Variants in KIF17 observed in about 807,000 individuals in gnomAD.
The protein encoded by KIF17 is kinesin family member 17.
Under a neutral mutation model 96.8 loss-of-function variants are expected in KIF17, and 80 were observed. The observed-to-expected ratio is 0.83, with a 90% CI of 0.69 to 1.00. The LOEUF is 1.00. KIF17 is among the 50% of genes least tolerant of loss of function. The probability of loss-of-function intolerance (pLI) is 0.00; values close to 1 mark genes in which losing one functional copy is unlikely to be tolerated. For missense variants in KIF17, 1,280 were observed against 1,372.9 expected (o/e 0.93, Z 1.07); for synonymous variants, 567 against 587.5 (o/e 0.97, Z 0.51).
At chr1:20,716,495 C>T (rs900845286) in intron 1 of KIF17, among the ~76,000 whole-genome samples, 5 of 152,166 alleles carry the variant, frequency 3.3e-5, no homozygotes, top group African/African-American at 7.2e-5. Context: ...TACAAAGAAG[C>T]GAAAACAGGA....
chr1:20,671,417 A>C (rs2053645284), intron 12 of KIF17, among the ~76,000 whole-genome samples: 1 of 152,020 alleles, frequency 6.6e-6, no homozygotes, highest in South Asian at 2.1e-4. Flanking sequence ...TGCAGCCTTG[A>C]CTTCCCAGGC....
chr1:20,696,209 C>A (rs968452863), intron 6 of KIF17, among the ~76,000 whole-genome samples: 13 of 152,072 alleles, frequency 8.5e-5, no homozygotes, highest in Non-Finnish European at 1.5e-5. Context: ...TGGCCCGTGT[C>A]CTCTTCCCTA....
chr1:20,689,509 G>A (rs2054001561), intron 7 of KIF17, among the ~76,000 whole-genome samples: 1 of 151,986 alleles, frequency 6.6e-6, no homozygotes, highest in Admixed American at 6.6e-5. Flanking sequence ...AAATTAGCCG[G>A]GTGTGGTAGT....
At chr1:20,674,948 G>A (rs546808367) in intron 11 of KIF17, among the ~76,000 whole-genome samples, 14 of 151,972 alleles carry the variant, frequency 9.2e-5, no homozygotes, top group African/African-American at 2.7e-4. Context: ...TCAGGAGTTC[G>A]AGACCAGCCT....
At chr1:20,678,480 G>C (rs984054175) in intron 11 of KIF17, among the ~76,000 whole-genome samples, 1 of 152,120 alleles carries the variant, frequency 6.6e-6, no homozygotes, top group African/African-American at 2.4e-5. Flanking sequence ...ATCTAAGCCT[G>C]AATCTCTCCA....
In KIF17 at chr1:20,687,319, T is replaced by G; in HGVS notation, c.1938+69A>C. ...ATGTGTGTGAACAGTGTGTGCACAG[T>G]GAGCTCCGGGCCCTGGGCAAGCTCT... On this transcript the variant is annotated intron_variant, in intron 8 of 14. Coordinates refer to ENST00000400463, the MANE Select transcript of KIF17 (RefSeq NM_001122819.3). This position sits in a 1 kb window ranked among gnomAD's most constrained non-coding sequence, Gnocchi z 4.4. 26 of 1,535,592 alleles carry G rather than the reference T, an allele frequency of 1.7e-5. No homozygotes were observed. The highest frequency in any genetic ancestry group is 2.2e-5 in the Non-Finnish European group (25 of 1,111,230).
At chr1:20,683,402 C>T (rs2053868218) in intron 10 of KIF17, among the ~76,000 whole-genome samples, 1 of 152,178 alleles carries the variant, frequency 6.6e-6, no homozygotes, top group African/African-American at 2.4e-5. Context: ...CGCCTGTAAT[C>T]CCAGCACTTT....
rs759040937 is a variant in KIF17 at position 20,717,728 on chromosome 1, G to C, written c.-22C>G. The C allele has an allele frequency of 2.1e-5, 33 of 1,544,554 alleles. No homozygotes were observed. The highest frequency in any genetic ancestry group is 2.6e-5 in the Non-Finnish European group (30 of 1,151,800). On this transcript the variant is annotated 5_prime_UTR_variant, in exon 1 of 15. Coordinates refer to ENST00000400463, the MANE Select transcript of KIF17 (RefSeq NM_001122819.3). ...CCATGGCGCCGCGCCCAGGACCAAC[G>C]GGACCAGAGCTGACCCCCGCCCCGC...
rs1019450527 is a variant in KIF17, at chr1:20,704,636, G to T, written c.934C>A (p.Leu312Met). The T allele has an allele frequency of 6.2e-7, 1 of 1,614,086 alleles. No homozygotes were observed. The highest frequency in any genetic ancestry group is 1.3e-5 in the African/African-American group (1 of 74,948). ...TCGTAGTTGTTGTCCGCAGGCGACAGGCAGGCCACCATGAGCGTCTTGGTG... is the reference window on the plus strand; with the variant it reads ...TCGTAGTTGTTGTCCGCAGGCGACATGCAGGCCACCATGAGCGTCTTGGTG... The part of the protein sequence containing the change: ...GNTKTLMVAC[L>M]SPADNNYDET... The change falls in exon 5 of 15, where the codon CTG (leucine) becomes ATG (methionine). Residue 312 changes from leucine to methionine, a missense_variant. Physicochemically the swap from Leu to Met is conservative, Grantham distance 15. Transcript: ENST00000400463. This position sits in a 1 kb window ranked among gnomAD's most constrained non-coding sequence, Gnocchi z 6.8.
Position 20,698,426 on chromosome 1 carries a change from G to T in KIF17, c.1186C>A (p.Pro396Thr). 1 of 1,613,900 alleles carries T rather than the reference G, an allele frequency of 6.2e-7. No homozygotes were observed. The highest frequency in any genetic ancestry group is 1.1e-5 in the South Asian group (1 of 91,082). ...GCCTCCACGTCATGCTGGATCACAG[G>T]TTGGGGCAACAGCTTCTCCTCCACC... is the stretch of plus-strand genomic sequence containing the variant. ...VQVEEKLLPQ[P>T]VIQHDVEAEK... Residue 396 changes from proline to threonine, a missense_variant, in exon 6 of 15, where the codon CCT becomes ACT. Transcript: ENST00000400463.
chr1:20,678,340 A>T (rs1256351863), intron 11 of KIF17, among the ~76,000 whole-genome samples: 1 of 152,164 alleles, frequency 6.6e-6, no homozygotes, highest in African/African-American at 2.4e-5. Context: ...TCAAGATAAG[A>T]TTTGGGTGGG....
intron 1 of KIF17, 196 bp downstream of exon 1, chr1:20,717,280 C>T (rs915276458): frequency 8.1e-6 from 5 of 614,392 alleles, no homozygotes; most frequent in Non-Finnish European, 1.4e-5. Context: ...GGGGATAGTG[C>T]AGACCCGGAG....
chr1:20,716,829 G>A (rs1484442177), intron 1 of KIF17, among the ~76,000 whole-genome samples: 1 of 152,200 alleles, frequency 6.6e-6, no homozygotes, highest in Non-Finnish European at 1.5e-5. Flanking sequence ...GGTGAACGAG[G>A]CAGACACAGT....
Position 20,709,521 on chromosome 1 carries a change from G to T in KIF17, c.670+118C>A. 1.8e-6 allele frequency: 2 copies of T among 1,131,668 alleles called. No homozygotes were observed. Among genetic ancestry groups the T allele is most frequent in the Non-Finnish European group, 2.7e-6 (2 of 753,982 alleles). The allele number at this position is 1,131,668 out of a possible 1,614,324, so 70.1% of individuals were successfully genotyped here. A position where few individuals can be genotyped will look rare whatever the true frequency, so the allele number is the denominator to read the frequency against. ...GGTCCTCTTGGGTTTCCTCCAGGCTGTTAGAGCATCTCTTCCCACTTTCCA... is the reference window on the plus strand; with the variant it reads ...GGTCCTCTTGGGTTTCCTCCAGGCTTTTAGAGCATCTCTTCCCACTTTCCA... On this transcript the variant is annotated intron_variant, in intron 4 of 14. Transcript: ENST00000400463. This position sits in a 1 kb window ranked among gnomAD's most constrained non-coding sequence, Gnocchi z 4.7.
At chr1:20,680,951 G>A (rs1429182368) in intron 11 of KIF17, among the ~76,000 whole-genome samples, 2 of 151,464 alleles carry the variant, frequency 1.3e-5, no homozygotes, top group East Asian at 4.0e-4. Flanking sequence ...GTGAAACCCC[G>A]TCTCTACTAA....
chr1:20,682,785 G>C lies in KIF17; in HGVS notation c.2331C>G (p.Arg777=), dbSNP rs779016326. 2.7e-5 allele frequency: 43 copies of C among 1,612,744 alleles called. No homozygotes were observed. In the Admixed American group the frequency reaches 7.2e-4, roughly 27 times the overall value. ...HKRRKRYADE[R]RKQLVAALQN... ...GCAGGGCAGCCACCAGCTGCTTCCT[G>C]CGCTCGTCTGCGTAGCGCTTGCGCC... is the stretch of plus-strand genomic sequence containing the variant. Residue 777 remains arginine (R), a synonymous_variant, in exon 11 of 15, where the codon CGC becomes CGG. Transcript: ENST00000400463.
Position 20,687,663 on chromosome 1 carries a change from C to A in KIF17, c.1663G>T (p.Gly555Trp). ...TCCACGTTGGAGGGCTCCTCAGGCCCAGGGAAAGCCTCGGACACAGAGGTT... is the reference window on the plus strand; with the variant it reads ...TCCACGTTGGAGGGCTCCTCAGGCCAAGGGAAAGCCTCGGACACAGAGGTT... ...EETSVSEAFPGPEEPSNVEVS... is the reference protein window; with the variant it reads ...EETSVSEAFPWPEEPSNVEVS... The change falls in exon 8 of 15, where the codon GGG (glycine) becomes TGG (tryptophan). Residue 555 changes from glycine to tryptophan, a missense_variant. Transcript: ENST00000400463. This position sits in a 1 kb window ranked among gnomAD's most constrained non-coding sequence, Gnocchi z 4.4. 6.2e-7 allele frequency: 1 copy of A among 1,614,206 alleles called. No individual in the cohort carries two copies. The highest frequency in any genetic ancestry group is 8.5e-7 in the Non-Finnish European group (1 of 1,180,036).
chr1:20,696,956 C>T (rs1387417678), intron 6 of KIF17, among the ~76,000 whole-genome samples: 3 of 152,194 alleles, frequency 2.0e-5, no homozygotes, highest in Admixed American at 6.5e-5. Context: ...AGGCAGTGCC[C>T]GCTGCCGAGC....
rs780956478 is a variant in KIF17 at position 20,709,654 on chromosome 1, C to T, written c.655G>A (p.Glu219Lys). ...RSHSIFTISI[E>K]MSAVDERGKD... ...CCTCGCATACCCACGGCAGACATCTCGATGCTGATGGTGAAGATGGAGTGC... is the reference window on the plus strand; with the variant it reads ...CCTCGCATACCCACGGCAGACATCTTGATGCTGATGGTGAAGATGGAGTGC... The change falls in exon 4 of 15, where the codon GAG becomes AAG. Residue 219 changes from glutamate (E) to lysine (K), a missense_variant. Glu to Lys is a moderately conservative substitution (Grantham distance 56, BLOSUM62 1). Transcript: ENST00000400463. The surrounding 1 kb of genome is among the most constrained non-coding windows in gnomAD (Gnocchi z 4.7). 1.3e-5 allele frequency: 21 copies of T among 1,613,930 alleles called. 1 individual carries two copies. The South Asian group carries it at 1.8e-4, about 14-fold the overall frequency.
Sources: gnomAD v4.1 joint callset for allele counts (sites outside exome capture counted in the v4.1 genomes callset) on GRCh38, gnomAD v4.1.1 for gene constraint, Gnocchi (gnomAD v3.1) non-coding constraint, MANE v1.5 for transcripts, NCBI Gene and HGNC (gene_info 2026-07-23, HGNC 2026-07-21) for gene names.